TMEM41B: variants seen among roughly 807,000 people sequenced by gnomAD.
TMEM41B encodes the protein protein stasimon.
In TMEM41B, 18 loss-of-function variants were observed where a neutral mutation model predicts 31.9. The observed-to-expected ratio is 0.56, with a 90% CI of 0.39 to 0.84. The LOEUF (loss-of-function observed/expected upper bound fraction) is 0.84, where lower values mean the gene tolerates loss of function less well. Ranked by LOEUF, TMEM41B falls within the 40% of genes least tolerant of loss-of-function variation. The probability of loss-of-function intolerance (pLI) is 0.00; values close to 1 mark genes in which losing one functional copy is unlikely to be tolerated. For synonymous variants in TMEM41B, 144 were observed against 124.3 expected, an observed-to-expected ratio of 1.16 and a Z score of -1.05; for missense variants, 322 against 348.0, an observed-to-expected ratio of 0.93 and a Z score of 0.59.
At chr11:9,284,658 G>A (rs542044832) in intron 6 of TMEM41B, among the ~76,000 whole-genome samples, 1 of 152,098 alleles carries the variant, frequency 6.6e-6, no homozygotes, top group South Asian at 2.1e-4. Flanking sequence ...AGCTACTTGG[G>A]AGGCTGAGGC....
intron 1 of TMEM41B, among the ~76,000 whole-genome samples, chr11:9,313,355 TAGA>T (rs1564970812): frequency 6.6e-6 from 1 of 152,238 alleles, no homozygotes; most frequent in African/African-American, 2.4e-5. Flanking sequence ...TACATACTCT[TAGA>T]AGTTCTCCTA....
intron 3 of TMEM41B, among the ~76,000 whole-genome samples, chr11:9,293,389 CACT>C (rs931996334): frequency 6.6e-6 from 1 of 152,136 alleles, no homozygotes; most frequent in Non-Finnish European, 1.5e-5. Context: ...AGGAATGAGC[CACT>C]ACACCCGGCC....
chr11:9,286,319 C>T, intron 6 of TMEM41B, 136 bp downstream of exon 6: 3 of 851,546 alleles, frequency 3.5e-6, no homozygotes, highest in South Asian at 4.3e-5. Flanking sequence ...TCTATTTATA[C>T]AGCCAGGCTT....
chr11:9,312,869 A>G (rs1164675295), intron 1 of TMEM41B, among the ~76,000 whole-genome samples: 1 of 145,220 alleles, frequency 6.9e-6, no homozygotes, highest in Non-Finnish European at 1.5e-5. Context: ...GCGCCACTGC[A>G]CTCCAGCCTG....
At chr11:9,292,002 G>C (rs1852971387) in intron 3 of TMEM41B, among the ~76,000 whole-genome samples, 1 of 152,140 alleles carries the variant, frequency 6.6e-6, no homozygotes, top group Non-Finnish European at 1.5e-5. Flanking sequence ...CACCGTGCCT[G>C]GCCTCCTTTT....
chr11:9,300,930 C>T (rs1225285155), intron 1 of TMEM41B, among the ~76,000 whole-genome samples: 2 of 151,828 alleles, frequency 1.3e-5, no homozygotes, highest in Admixed American at 6.6e-5. Context: ...ATTCCAGAAG[C>T]AGTAAGCAGA....
At chr11:9,289,501 C>T (rs1852907496) in intron 3 of TMEM41B, among the ~76,000 whole-genome samples, 1 of 152,068 alleles carries the variant, frequency 6.6e-6, no homozygotes, top group Non-Finnish European at 1.5e-5. Flanking sequence ...CAATCTCCTC[C>T]TCCTTCCTCC....
At chr11:9,283,689 A>T (rs1484280032) in intron 6 of TMEM41B, 96 bp from the exon 7 acceptor site, 6 of 1,057,646 alleles carry the variant, frequency 5.7e-6, no homozygotes, top group Non-Finnish European at 7.9e-6. Flanking sequence ...AAAACAACAC[A>T]GCTATTTCCA....
rs1852762472 is a variant in TMEM41B, at chr11:9,283,273, C to T, written c.*151G>A. 3 of 624,328 alleles carry T rather than the reference C, an allele frequency of 4.8e-6. No homozygotes were observed. Among genetic ancestry groups the T allele is most frequent in the African/African-American group, 1.9e-5 (1 of 53,386 alleles). The allele number at this position is 624,328 out of a possible 1,614,324, so 38.7% of individuals were successfully genotyped here. On this transcript the variant is annotated 3_prime_UTR_variant, in exon 7 of 7. Coordinates refer to ENST00000528080, the MANE Select transcript of TMEM41B (RefSeq NM_015012.4). ...TTTTTACTTTCTTCTCCCCTTGTCA[C>T]TTAAATGTATTACTTTAACTATCTG...
At chr11:9,304,948 G>A (rs371418637) in intron 1 of TMEM41B, among the ~76,000 whole-genome samples, 2 of 151,920 alleles carry the variant, frequency 1.3e-5, no homozygotes, top group East Asian at 2.0e-4. Flanking sequence ...GAGCCACCAC[G>A]CCCAGCAATT....
At chr11:9,284,581 G>C (rs1368445298) in intron 6 of TMEM41B, among the ~76,000 whole-genome samples, 1 of 152,036 alleles carries the variant, frequency 6.6e-6, no homozygotes, top group Non-Finnish European at 1.5e-5. Flanking sequence ...TGGCCAACAT[G>C]ATGAAGCTCC....
rs921758201 is a variant in TMEM41B, at chr11:9,314,513, T to C, written c.-72A>G. On this transcript the variant is annotated 5_prime_UTR_variant, in exon 1 of 7. Coordinates refer to ENST00000528080, the MANE Select transcript of TMEM41B (RefSeq NM_015012.4). The stretch of plus-strand genomic sequence containing the variant: ...CAACAAAACTCTGTTGCAGGCTCCT[T>C]ACTACGCCGAAGCGCCACGGCTAGA... 62 of 1,478,908 alleles carry C rather than the reference T, an allele frequency of 4.2e-5. No homozygotes were observed. Among genetic ancestry groups the C allele is most frequent in the Non-Finnish European group, 4.1e-5 (45 of 1,110,646 alleles). The allele number at this position is 1,478,908 out of a possible 1,614,324, so 91.6% of individuals were successfully genotyped here.
At chr11:9,307,236 C>T (rs906128974) in intron 1 of TMEM41B, among the ~76,000 whole-genome samples, 1 of 152,042 alleles carries the variant, frequency 6.6e-6, no homozygotes, top group Non-Finnish European at 1.5e-5. Flanking sequence ...TCTAGATATA[C>T]TTGATCCCAC....
At chr11:9,311,379 A>G (rs1325658240) in intron 1 of TMEM41B, 15 of 1,469,176 alleles carry the variant, frequency 1.0e-5, no homozygotes, top group Middle Eastern at 2.4e-4. Context: ...CTTGCCCACT[A>G]TCACTGCTGG....
intron 1 of TMEM41B, among the ~76,000 whole-genome samples, chr11:9,307,017 A>T (rs1242208412): frequency 6.6e-6 from 1 of 152,150 alleles, no homozygotes; most frequent in Non-Finnish European, 1.5e-5. Flanking sequence ...TATACTCAAC[A>T]TCTTCAATTT....
chr11:9,311,451 G>C, intron 1 of TMEM41B: 1 of 1,415,766 alleles, frequency 7.1e-7, no homozygotes, highest in Non-Finnish European at 9.9e-7. Context: ...CGGTGGGTAT[G>C]GAGGAGGGTA....
In TMEM41B at chr11:9,286,461, A is replaced by T. The variant is rs1220546739; in HGVS notation, c.700T>A (p.Phe234Ile). 1 of 1,610,964 alleles carries T rather than the reference A, an allele frequency of 6.2e-7. No individual in the cohort carries two copies. Among genetic ancestry groups the T allele is most frequent in the Non-Finnish European group, 8.5e-7 (1 of 1,178,882 alleles). ...CAAGAACCAGAGGGCTTACCTAGAA[A>T]AGTACCAATAAAAAAAACTTTCAAT... is the stretch of plus-strand genomic sequence containing the variant. ...VPLKVFFIGT[F>I]LGVAPPSFVA... The change falls in exon 6 of 7, where the codon TTT (phenylalanine) becomes ATT (isoleucine). Residue 234 changes from phenylalanine (F) to isoleucine (I), a missense_variant. Coordinates refer to ENST00000528080, the MANE Select transcript of TMEM41B (RefSeq NM_015012.4).
chr11:9,305,346 C>G (rs1442977113), intron 1 of TMEM41B, among the ~76,000 whole-genome samples: 1 of 152,028 alleles, frequency 6.6e-6, no homozygotes, highest in Non-Finnish European at 1.5e-5. Flanking sequence ...CTCCTGTAAT[C>G]GCAGCACTTT....
At chr11:9,300,877 CA>C (rs1020580903) in intron 1 of TMEM41B, among the ~76,000 whole-genome samples, 84 of 131,584 alleles carry the variant, frequency 6.4e-4, no homozygotes, top group African/African-American at 6.2e-4. Flanking sequence ...GATTCCGTCT[CA>C]AAAAAAAAAA....
Sources: gnomAD v4.1 joint callset for allele counts (sites outside exome capture counted in the v4.1 genomes callset) on GRCh38, gnomAD v4.1.1 for gene constraint, MANE v1.5 for transcripts, NCBI Gene and HGNC (gene_info 2026-07-23, HGNC 2026-07-21) for gene names.